The following ZDHHC23 variants were observed in gnomAD, a reference collection of about 807,000 sequenced individuals.
ZDHHC23 encodes the protein zDHHC palmitoyltransferase 23.
ZDHHC23 carries 41 observed loss-of-function variants against 40.2 expected under a neutral mutation model. That is an observed-to-expected ratio of 1.02 (90% CI 0.79 to 1.32). ZDHHC23 has a LOEUF of 1.32. ZDHHC23 is among the 40% of genes most tolerant of loss of function. The pLI is 0.00. For synonymous variants in ZDHHC23, 204 were observed against 210.2 expected, an observed-to-expected ratio of 0.97 and a Z score of 0.26; for missense variants, 471 against 541.5, an observed-to-expected ratio of 0.87 and a Z score of 1.29.
At chr3:113,963,934 GTT>G (rs67934523), downstream of ZDHHC23, among the ~76,000 whole-genome samples, 10 of 145,132 alleles carry the variant, frequency 6.9e-5, no homozygotes, top group South Asian at 2.1e-4. Context: ...AAAAACACAG[GTT>G]TTTTTTTTTT....
In ZDHHC23 at chr3:113,961,526, A is replaced by G. The variant is rs1939677735; in HGVS notation, c.*2896A>G. On this transcript the variant is annotated 3_prime_UTR_variant, in exon 5 of 5. Coordinates refer to ENST00000638807, the MANE Select transcript of ZDHHC23 (RefSeq NM_001320466.2). Reference sequence around the variant, plus strand: ...TGACCATTAACAGCGCCTCTTTGATAGGTTACCCTGATGCTGCTAAAGTAA... The same window carrying G: ...TGACCATTAACAGCGCCTCTTTGATGGGTTACCCTGATGCTGCTAAAGTAA... 6.6e-6 allele frequency: 1 copy of G among 152,668 alleles called. No individual in the cohort carries two copies. The highest frequency in any genetic ancestry group is 6.5e-5 in the Admixed American group (1 of 15,280). 9.5% of individuals were successfully genotyped at this position (152,668 alleles called of 1,614,324 possible). A position where few individuals can be genotyped will look rare whatever the true frequency, so the allele number is the denominator to read the frequency against.
the ZDHHC23 span, chr3:113,978,961 G>A: frequency 4.7e-5 from 76 of 1,613,862 alleles, no homozygotes; most frequent in South Asian, 5.4e-4. Context: ...CTGGAACCAC[G>A]TCAGCATGTA....
downstream of ZDHHC23, among the ~76,000 whole-genome samples, chr3:113,965,986 A>C (rs1330625157): frequency 6.6e-6 from 1 of 152,118 alleles, no homozygotes; most frequent in Non-Finnish European, 1.5e-5. Flanking sequence ...CCAAGCTACG[A>C]GGCACACTCC....
At position 113,954,383 on chromosome 3, in the gene ZDHHC23, TGAG is replaced by T; in HGVS notation, c.849_851del (p.Arg284del). 1 of 1,603,274 alleles carries T rather than the reference TGAG, an allele frequency of 6.2e-7. No individual in the cohort carries two copies. The highest frequency in any genetic ancestry group is 8.5e-7 in the Non-Finnish European group (1 of 1,174,482). ...CACTGCCGGATATGTGGCATCTGTG[TGAG>T]GAGAATGGATCATCATTGTGTCTGG... On this transcript the variant is annotated inframe_deletion, in exon 3 of 5. Coordinates refer to ENST00000638807, the MANE Select transcript of ZDHHC23 (RefSeq NM_001320466.2).
the ZDHHC23 span, chr3:113,979,116 T>G: frequency 4.1e-5 from 42 of 1,029,606 alleles, no homozygotes; most frequent in Non-Finnish European, 5.8e-5. Flanking sequence ...AGGCAGTCGG[T>G]AGAGAATAAT....
At chr3:113,974,887 C>G in the ZDHHC23 span, among the ~76,000 whole-genome samples, 2 of 152,024 alleles carry the variant, frequency 1.3e-5, no homozygotes, top group Non-Finnish European at 2.9e-5. Context: ...TCTCTCTAAT[C>G]TTTTATGTTT....
At chr3:113,949,060 CTT>C in intron 2 of ZDHHC23, 97 bp downstream of exon 2, 1 of 1,483,962 alleles carries the variant, frequency 6.7e-7, no homozygotes, top group Non-Finnish European at 9.1e-7. Flanking sequence ...AGAATTTGCT[CTT>C]GATTCTATTT....
intron 4 of ZDHHC23, among the ~76,000 whole-genome samples, chr3:113,957,248 T>C (rs1182879049): frequency 6.6e-6 from 1 of 152,230 alleles, no homozygotes; most frequent in African/African-American, 2.4e-5. Context: ...ATCTGTGGTT[T>C]GGCCCTTTTC....
chr3:113,978,478 A>G, the ZDHHC23 span: 1 of 778,982 alleles, frequency 1.3e-6, no homozygotes, highest in East Asian at 2.7e-5. Flanking sequence ...CTGGAAGCCA[A>G]GAAAATATCC....
At position 113,953,761 on chromosome 3, in the gene ZDHHC23, G is replaced by C; in HGVS notation, c.223G>C (p.Asp75His). 1 of 1,614,164 alleles carries C rather than the reference G, an allele frequency of 6.2e-7. No homozygotes were observed. The change falls in exon 3 of 5, where the codon GAT becomes CAT. Residue 75 changes from aspartate to histidine, a missense_variant. Coordinates refer to ENST00000638807, the MANE Select transcript of ZDHHC23 (RefSeq NM_001320466.2). The part of the protein sequence containing the change: ...TCERIMDTIS[D>H]RLRIPWLRGA... ...TGAAAGAATCATGGATACAATTTCTGATCGCCTCCGAATTCCTTGGCTTAG... is the reference window on the plus strand; with the variant it reads ...TGAAAGAATCATGGATACAATTTCTCATCGCCTCCGAATTCCTTGGCTTAG...
the ZDHHC23 span, chr3:113,978,103 T>C: frequency 6.7e-7 from 1 of 1,501,996 alleles, no homozygotes; most frequent in Non-Finnish European, 9.2e-7. Context: ...AGCTCATCTC[T>C]GCAGACACAT....
In ZDHHC23 at chr3:113,962,905, A is replaced by G. The variant is rs1033654680; in HGVS notation, c.*4275A>G. 1 of 152,208 alleles carries G rather than the reference A, an allele frequency of 6.6e-6. No homozygotes were observed. The highest frequency in any genetic ancestry group is 6.5e-5 in the Admixed American group (1 of 15,282). The allele number at this position is 152,208 out of a possible 1,614,324, so 9.4% of individuals were successfully genotyped here. A position where few individuals can be genotyped will look rare whatever the true frequency, so the allele number is the denominator to read the frequency against. ...GGCCTTTTACATGGAAATTTTACAA[A>G]TTACTTCCATTTATGTAAAATAACG... On this transcript the variant is annotated 3_prime_UTR_variant, in exon 5 of 5. Coordinates refer to ENST00000638807, the MANE Select transcript of ZDHHC23 (RefSeq NM_001320466.2).
intron 4 of ZDHHC23, chr3:113,957,696 AACTC>A (rs1450331535): frequency 9.7e-6 from 5 of 514,250 alleles, no homozygotes; most frequent in Non-Finnish European, 1.6e-5. Flanking sequence ...ATTTCTAACT[AACTC>A]TTAATTTGCG....
chr3:113,964,552 T>C (rs555973423), downstream of ZDHHC23: 2 of 152,358 alleles, frequency 1.3e-5, no homozygotes, highest in East Asian at 3.9e-4. Context: ...ATGTCCTTCA[T>C]GCTTATCAAG....
At chr3:113,956,178 C>T (rs761791120) in intron 3 of ZDHHC23, among the ~76,000 whole-genome samples, 161 bp from the exon 4 acceptor site, 37 of 152,158 alleles carry the variant, frequency 2.4e-4, no homozygotes, top group Non-Finnish European at 4.7e-4. Flanking sequence ...ACCCGGGAGG[C>T]AGAGGTTGCA....
chr3:113,957,874 T>C, intron 4 of ZDHHC23: 1 of 511,598 alleles, frequency 2.0e-6, no homozygotes, highest in Non-Finnish European at 3.9e-6. Context: ...CTGCTGGGGT[T>C]GGGAGTCGTC....
chr3:113,977,626 G>A, the ZDHHC23 span, among the ~76,000 whole-genome samples: 2 of 152,122 alleles, frequency 1.3e-5, no homozygotes, highest in Non-Finnish European at 2.9e-5. Context: ...ATACTTAGGA[G>A]AAAAGTAAAA....
intron 1 of ZDHHC23, 99 bp from the exon 2 acceptor site, chr3:113,948,587 C>A: frequency 1.9e-6 from 1 of 538,844 alleles, no homozygotes; most frequent in South Asian, 2.6e-5. Flanking sequence ...CTCAGACCTC[C>A]AAGAACCCTG....
chr3:113,972,924 C>T, the ZDHHC23 span, among the ~76,000 whole-genome samples: 2 of 152,160 alleles, frequency 1.3e-5, no homozygotes, highest in South Asian at 2.1e-4. Context: ...CTTTTTCTAT[C>T]TCTTTCAGTC....
Sources: gnomAD v4.1 joint callset for allele counts (sites outside exome capture counted in the v4.1 genomes callset) on GRCh38, gnomAD v4.1.1 for gene constraint, MANE v1.5 for transcripts, NCBI Gene and HGNC (gene_info 2026-07-23, HGNC 2026-07-21) for gene names.